Variants in EPHA7 observed in about 807,000 individuals in gnomAD.
EPHA7 encodes the protein EPH receptor A7, also known as ephrin type-A receptor 7.
A neutral mutation model predicts 112.6 loss-of-function variants in EPHA7; 25 were observed. That is an observed-to-expected ratio of 0.22 (90% CI 0.16 to 0.31). EPHA7 has a LOEUF of 0.31. Ranked by LOEUF, EPHA7 falls within the 10% of genes least tolerant of loss-of-function variation. The pLI is 1.00. For missense variants in EPHA7, 962 were observed against 1,212.6 expected, an observed-to-expected ratio of 0.79 and a Z score of 3.07; for synonymous variants, 437 against 406.5, an observed-to-expected ratio of 1.07 and a Z score of -0.90.
intron 7 of EPHA7, among the ~76,000 whole-genome samples, chr6:93,265,742 A>G (rs1486754): frequency 0.45 from 67,638 of 151,420 alleles, 15,951 homozygotes; most frequent in South Asian, 0.7. Flanking sequence ...AACAATCAAG[A>G]GCTGCAATCT....
intron 13 of EPHA7, 64 bp downstream of exon 13, chr6:93,255,764 T>C: frequency 7.1e-7 from 1 of 1,399,874 alleles, no homozygotes; most frequent in Non-Finnish European, 1.0e-6. Context: ...CATTATTAGG[T>C]CCTGCTTTCG....
At chr6:93,243,718 A>G (rs1336375667) in intron 16 of EPHA7, among the ~76,000 whole-genome samples, 178 bp from the exon 17 acceptor site, 1 of 152,124 alleles carries the variant, frequency 6.6e-6, no homozygotes, top group African/African-American at 2.4e-5. Context: ...CTACATCAAC[A>G]TTCTCCTTTG....
At chr6:93,253,575 C>G (rs1277141115) in intron 14 of EPHA7, among the ~76,000 whole-genome samples, 1 of 152,036 alleles carries the variant, frequency 6.6e-6, no homozygotes, top group Non-Finnish European at 1.5e-5. Context: ...AGTATCATTT[C>G]CAGACTCCTC....
intron 5 of EPHA7, among the ~76,000 whole-genome samples, chr6:93,327,596 C>T (rs564991318): frequency 6.6e-6 from 1 of 151,576 alleles, no homozygotes; most frequent in South Asian, 2.1e-4. Context: ...CTAGTTATTT[C>T]ATCTTTTCAA....
Position 93,347,543 on chromosome 6 carries a change from C to G in EPHA7, c.1324+9174G>C, listed in dbSNP as rs1418645459. ...TCCTCATGCATATGGAAAATAAAGA[C>G]TTTTCAGGATGGAATTAAATTATCT... On this transcript the variant is annotated intron_variant, in intron 5 of 16. Coordinates refer to ENST00000369303, the MANE Select transcript of EPHA7 (RefSeq NM_004440.4). 2.0e-5 allele frequency among the ~76,000 whole-genome samples: 3 copies of G among 151,826 alleles called. No individual in the cohort carries two copies. In the East Asian group the frequency reaches 5.8e-4, roughly 29 times the overall value.
chr6:93,266,428 T>C, intron 7 of EPHA7, among the ~76,000 whole-genome samples: 1 of 151,686 alleles, frequency 6.6e-6, no homozygotes, highest in East Asian at 1.9e-4. Flanking sequence ...AATTTGTGCA[T>C]ATTTATTTAT....
At chr6:93,368,060 T>C (rs1013441171) in intron 3 of EPHA7, among the ~76,000 whole-genome samples, 1 of 152,156 alleles carries the variant, frequency 6.6e-6, no homozygotes, top group Non-Finnish European at 1.5e-5. Flanking sequence ...GCAGGCAATG[T>C]ACCAAAAAGG....
chr6:93,361,036 T>G (rs756248028), intron 3 of EPHA7, among the ~76,000 whole-genome samples: 1 of 152,108 alleles, frequency 6.6e-6, no homozygotes, highest in Non-Finnish European at 1.5e-5. Flanking sequence ...TAGAAAGCTA[T>G]GAAATAATAT....
intron 14 of EPHA7, among the ~76,000 whole-genome samples, chr6:93,252,221 A>G (rs998338231): frequency 6.6e-6 from 1 of 152,036 alleles, no homozygotes; most frequent in Non-Finnish European, 1.5e-5. Flanking sequence ...TTAGAAATGT[A>G]ACCATCACTG....
At chr6:93,341,948 G>A (rs903822299) in intron 5 of EPHA7, among the ~76,000 whole-genome samples, 4 of 151,690 alleles carry the variant, frequency 2.6e-5, no homozygotes, top group African/African-American at 9.7e-5. Context: ...TCAAGATTTG[G>A]AAGGCCTCAG....
rs770905583 is a variant in EPHA7, at chr6:93,243,507, A to G, written c.2916T>C (p.Gly972=). ...DVMSLGITLV[G]HQKKIMSSIQ... ...TGCTGCTCATGATTTTCTTTTGATG[A>G]CCAACCAGTGTGATCCCTAAACTCA... The change falls in exon 17 of 17, where the codon GGT becomes GGC. Residue 972 remains glycine (G), a synonymous_variant. Coordinates refer to ENST00000369303, the MANE Select transcript of EPHA7 (RefSeq NM_004440.4). 1.2e-6 allele frequency: 2 copies of G among 1,613,554 alleles called. No individual in the cohort carries two copies. Among genetic ancestry groups the G allele is most frequent in the African/African-American group, 2.7e-5 (2 of 75,032 alleles).
rs1188696270 is a variant in EPHA7 at position 93,273,463 on chromosome 6, G to A, written c.1325-1041C>T. On this transcript the variant is annotated intron_variant, in intron 5 of 16. Coordinates refer to ENST00000369303, the MANE Select transcript of EPHA7 (RefSeq NM_004440.4). ...CAAGCCGTTTAAGCAACCTTCCGAT[G>A]TTTATCCCTTTGGCTTTATTTTGTT... is the stretch of plus-strand genomic sequence containing the variant. Among the ~76,000 whole-genome samples, 3 of 152,000 alleles carry A rather than the reference G, an allele frequency of 2.0e-5. No individual in the cohort carries two copies. In the East Asian group the frequency reaches 5.8e-4, roughly 30 times the overall value.
chr6:93,276,949 G>C (rs973275181), intron 5 of EPHA7, among the ~76,000 whole-genome samples: 15 of 151,992 alleles, frequency 9.9e-5, no homozygotes, highest in African/African-American at 3.6e-4. Context: ...GAGGTAAGAT[G>C]GGTCAACAAG....
intron 10 of EPHA7, among the ~76,000 whole-genome samples, chr6:93,259,069 T>C (rs1770571695): frequency 6.6e-6 from 1 of 152,020 alleles, no homozygotes; most frequent in Admixed American, 6.6e-5. Context: ...TACAAATTCA[T>C]TTCTTAAATG....
chr6:93,308,415 G>C (rs1290744186), intron 5 of EPHA7, among the ~76,000 whole-genome samples: 1 of 151,878 alleles, frequency 6.6e-6, no homozygotes, highest in African/African-American at 2.4e-5. Flanking sequence ...TTTAGAGTTT[G>C]ATCTAAAAGC....
chr6:93,267,256 G>A (rs1176076831), intron 7 of EPHA7, among the ~76,000 whole-genome samples: 1 of 151,696 alleles, frequency 6.6e-6, no homozygotes, highest in Admixed American at 6.6e-5. Flanking sequence ...TTTAATAACA[G>A]CTGACACTTA....
intron 5 of EPHA7, among the ~76,000 whole-genome samples, chr6:93,322,398 T>C (rs574625445): frequency 1.3e-5 from 2 of 151,772 alleles, no homozygotes; most frequent in South Asian, 2.1e-4. Flanking sequence ...CTGCAAGCAA[T>C]TCCTTTTTTT....
At chr6:93,281,081 T>C (rs1771713694) in intron 5 of EPHA7, among the ~76,000 whole-genome samples, 1 of 152,190 alleles carries the variant, frequency 6.6e-6, no homozygotes, top group Non-Finnish European at 1.5e-5. Flanking sequence ...ATCACATTGA[T>C]AATTTTTATA....
chr6:93,287,894 C>T (rs1772151222), intron 5 of EPHA7, among the ~76,000 whole-genome samples: 1 of 152,086 alleles, frequency 6.6e-6, no homozygotes, highest in Admixed American at 6.6e-5. Context: ...TCACTTGACA[C>T]CCAACTAGAA....
Sources: allele counts gnomAD v4.1 joint callset (sites outside exome capture counted in the v4.1 genomes callset), GRCh38; gene constraint gnomAD v4.1.1; transcripts MANE v1.5; gene names NCBI Gene and HGNC (gene_info 2026-07-23, HGNC 2026-07-21).